The following ALPL variants were observed in gnomAD, a reference collection of about 807,000 sequenced individuals.
ALPL encodes alkaline phosphatase, tissue-nonspecific isozyme.
A neutral mutation model predicts 51.3 loss-of-function variants in ALPL; 42 were observed. The observed-to-expected ratio is 0.82, with a 90% CI of 0.64 to 1.06. The LOEUF is 1.06. Ranked by LOEUF, ALPL falls within the 50% of genes least tolerant of loss-of-function variation. The probability of loss-of-function intolerance (pLI) is 0.00; values close to 1 mark genes in which losing one functional copy is unlikely to be tolerated. For synonymous variants in ALPL, 279 were observed against 296.4 expected (o/e 0.94, Z 0.60); for missense variants, 589 against 709.4 (o/e 0.83, Z 1.93).
At chr1:21,560,499 G>A (rs1024785362) in intron 2 of ALPL, 127 bp from the exon 3 acceptor site, 14 of 1,254,658 alleles carry the variant, frequency 1.1e-5, no homozygotes, top group African/African-American at 6.0e-5. Context: ...GTCTGGGTGG[G>A]CAACTATTGC....
chr1:21,540,228 G>A (rs1018357491), intron 1 of ALPL, among the ~76,000 whole-genome samples: 2 of 152,142 alleles, frequency 1.3e-5, no homozygotes, highest in African/African-American at 2.4e-5. Context: ...CTCCGCCCCC[G>A]ACCCCTGCCT....
chr1:21,517,111 A>T (rs1570162772), intron 1 of ALPL, among the ~76,000 whole-genome samples: 1 of 152,352 alleles, frequency 6.6e-6, no homozygotes, highest in Middle Eastern at 3.4e-3. Flanking sequence ...TGTGAAAAAC[A>T]GAATGGCTGG....
intron 1 of ALPL, among the ~76,000 whole-genome samples, chr1:21,547,154 G>T (rs1413092046): frequency 2.0e-5 from 3 of 152,252 alleles, no homozygotes; most frequent in Admixed American, 1.3e-4. Context: ...GTGTTTGGGA[G>T]TGAGGAATGA....
At chr1:21,541,780 CAG>C (rs1644189781) in intron 1 of ALPL, among the ~76,000 whole-genome samples, 1 of 152,176 alleles carries the variant, frequency 6.6e-6, no homozygotes, top group Non-Finnish European at 1.5e-5. Flanking sequence ...CTGGGAAGCA[CAG>C]AGTGCAGAGG....
Position 21,568,159 on chromosome 1 carries a change from A to G in ALPL, c.704A>G (p.Glu235Gly). Residue 235 changes from glutamate to glycine, a missense_variant, in exon 7 of 12, where the codon GAG becomes GGG. Physicochemically the swap from Glu to Gly is moderately conservative, Grantham distance 98. Transcript: ENST00000374840. ...YMYPKNKTDV[E>G]YESDEKARGT... is the part of the protein sequence containing the mutation. ...TACCCCAAGAATAAAACTGATGTGG[A>G]GTATGAGAGTGACGAGAAAGCCAGG... 6.2e-7 allele frequency: 1 copy of G among 1,614,016 alleles called. No homozygotes were observed.
chr1:21,550,176 G>C (rs541625484), intron 1 of ALPL, among the ~76,000 whole-genome samples: 5 of 152,348 alleles, frequency 3.3e-5, no homozygotes, highest in Admixed American at 6.5e-5. Flanking sequence ...TCTGGGTCCT[G>C]ACGGTGGCGG....
intron 2 of ALPL, among the ~76,000 whole-genome samples, chr1:21,559,520 TTTTG>T (rs1400970470): frequency 2.6e-5 from 4 of 151,982 alleles, no homozygotes; most frequent in Non-Finnish European, 4.4e-5. Flanking sequence ...GCTGGGGGTT[TTTTG>T]TTTGTTTGTT....
At chr1:21,544,981 A>G (rs1236208781) in intron 1 of ALPL, among the ~76,000 whole-genome samples, 1 of 152,112 alleles carries the variant, frequency 6.6e-6, no homozygotes, top group East Asian at 1.9e-4. Flanking sequence ...AAATAACCTA[A>G]AGTCTTTATT....
At chr1:21,515,204 T>C (rs972662) in intron 1 of ALPL, among the ~76,000 whole-genome samples, 127,434 of 152,148 alleles carry the variant, frequency 0.84, 53,996 homozygotes, top group East Asian at 1. Flanking sequence ...TTTAGGTGGC[T>C]GAAGCAAATT....
At chr1:21,509,175 C>G (rs1643628071), upstream of ALPL, among the ~76,000 whole-genome samples, 1 of 152,008 alleles carries the variant, frequency 6.6e-6, no homozygotes, top group African/African-American at 2.4e-5. The surrounding 1 kb of genome is among the most constrained non-coding windows in gnomAD (Gnocchi z 6.0). Context: ...GCAGAGAGAC[C>G]GAGAGTGCGG....
intron 1 of ALPL, among the ~76,000 whole-genome samples, chr1:21,545,371 A>G (rs980679501): frequency 1.3e-5 from 2 of 151,422 alleles, no homozygotes; most frequent in African/African-American, 2.4e-5. Flanking sequence ...GCTCACTACA[A>G]CCTCCGCCAC....
chr1:21,566,301 T>C (rs1450042129), intron 6 of ALPL, among the ~76,000 whole-genome samples: 3 of 152,206 alleles, frequency 2.0e-5, no homozygotes, highest in Admixed American at 1.3e-4. Flanking sequence ...ATTATTATTT[T>C]GAGACGGAGT....
chr1:21,550,319 T>C (rs772387544), intron 1 of ALPL, among the ~76,000 whole-genome samples: 3 of 152,188 alleles, frequency 2.0e-5, no homozygotes, highest in Non-Finnish European at 4.4e-5. Context: ...TCAGGAGCCC[T>C]GTGGTCAGGT....
At chr1:21,567,183 G>A (rs2148169053) in intron 6 of ALPL, among the ~76,000 whole-genome samples, 1 of 152,336 alleles carries the variant, frequency 6.6e-6, no homozygotes, top group East Asian at 1.9e-4. Flanking sequence ...TGGATCTGGG[G>A]CCAGTGTCAG....
At chr1:21,570,256 C>A in intron 7 of ALPL, 49 bp from the exon 8 acceptor site, 1 of 1,582,354 alleles carries the variant, frequency 6.3e-7, no homozygotes, top group East Asian at 2.2e-5. Flanking sequence ...GTCAGTCCTT[C>A]CGACTCTCCC....
At chr1:21,565,175 C>T (rs1371787088) in intron 6 of ALPL, among the ~76,000 whole-genome samples, 1 of 152,194 alleles carries the variant, frequency 6.6e-6, no homozygotes, top group Non-Finnish European at 1.5e-5. Context: ...CACTGCCCCC[C>T]ACAAATTTCT....
At chr1:21,512,931 G>C (rs1643720102) in intron 1 of ALPL, among the ~76,000 whole-genome samples, 1 of 152,112 alleles carries the variant, frequency 6.6e-6, no homozygotes, top group Non-Finnish European at 1.5e-5. Flanking sequence ...ATGTGCTTTT[G>C]TTTAATTGTA....
chr1:21,536,083 T>A (rs979034140), intron 1 of ALPL, among the ~76,000 whole-genome samples: 3 of 152,184 alleles, frequency 2.0e-5, no homozygotes, highest in Admixed American at 2.0e-4. Flanking sequence ...ACACAATAGA[T>A]GCATGGAACC....
chr1:21,576,790 T>A (rs1644743820), intron 11 of ALPL, 149 bp downstream of exon 11: 1 of 1,084,512 alleles, frequency 9.2e-7, no homozygotes, highest in African/African-American at 1.6e-5. Flanking sequence ...CCAGGTTGTT[T>A]GATTCAAACA....
Sources: allele counts gnomAD v4.1 joint callset (sites outside exome capture counted in the v4.1 genomes callset), GRCh38; gene constraint gnomAD v4.1.1; non-coding constraint Gnocchi (gnomAD v3.1); transcripts MANE v1.5; gene names NCBI Gene and HGNC (gene_info 2026-07-23, HGNC 2026-07-21).